The following LRRC4C variants were observed in gnomAD, a reference collection of about 807,000 sequenced individuals.
The protein encoded by LRRC4C is leucine-rich repeat-containing protein 4C.
Under a neutral mutation model 33.6 loss-of-function variants are expected in LRRC4C, and 5 were observed. That is an observed-to-expected ratio of 0.15 (90% confidence interval 0.08 to 0.31). LRRC4C has a LOEUF of 0.31. LRRC4C is among the 10% of genes least tolerant of loss of function. The pLI is 1.00. For missense variants in LRRC4C, 560 were observed against 796.7 expected, an observed-to-expected ratio of 0.70 and a Z score of 3.58; for synonymous variants, 329 against 302.0, an observed-to-expected ratio of 1.09 and a Z score of -0.93.
intron 1 of LRRC4C, among the ~76,000 whole-genome samples, chr11:41,399,563 AT>A (rs1953949531): frequency 6.6e-6 from 1 of 152,008 alleles, no homozygotes; most frequent in South Asian, 2.1e-4. Flanking sequence ...AGCCTGCAGA[AT>A]TCCTCAGCAT....
rs761772952 is a variant in LRRC4C, at chr11:40,990,231, TTATATATATATATATATATATATA to T, written c.-495-56532_-495-56509del. On this transcript the variant is annotated intron_variant, in intron 1 of 6. Coordinates refer to ENST00000528697, the MANE Select transcript of LRRC4C (RefSeq NM_001258419.2). Reference sequence around the variant, plus strand: ...AAATATTTGAATAGTATGTCAAGTTTTATATATATATATATATATATATATATATATATATATATATATGAATAT... The same window carrying T: ...AAATATTTGAATAGTATGTCAAGTTTTATATATATATATATATATGAATAT... Among the ~76,000 whole-genome samples the T allele has an allele frequency of 1.7e-4, 13 of 78,226 alleles. 2 individuals are homozygous for T. Among genetic ancestry groups the T allele is most frequent in the East Asian group, 5.8e-4 (1 of 1,736 alleles). 51.3% of individuals were successfully genotyped at this position (78,226 alleles called of 152,430 possible).
chr11:40,693,639 C>T (rs905890207), intron 2 of LRRC4C, among the ~76,000 whole-genome samples: 1 of 152,000 alleles, frequency 6.6e-6, no homozygotes, highest in Non-Finnish European at 1.5e-5. Context: ...GCCAGATAAA[C>T]AAGACTCTCT....
chr11:40,220,702 A>T (rs1864340833), intron 5 of LRRC4C, among the ~76,000 whole-genome samples: 1 of 152,174 alleles, frequency 6.6e-6, no homozygotes, highest in South Asian at 2.1e-4. Flanking sequence ...GAGTTTTTAA[A>T]ATAATATTTT....
At chr11:40,974,284 T>G (rs1019823151) in intron 1 of LRRC4C, among the ~76,000 whole-genome samples, 23 of 152,312 alleles carry the variant, frequency 1.5e-4, no homozygotes, top group Non-Finnish European at 2.6e-4. Flanking sequence ...TGATTTTTAA[T>G]CTCTACCAGA....
intron 1 of LRRC4C, among the ~76,000 whole-genome samples, chr11:40,995,966 A>C (rs2137310519): frequency 6.6e-6 from 1 of 152,312 alleles, no homozygotes; most frequent in African/African-American, 2.4e-5. Flanking sequence ...TATGAGTATT[A>C]GATATTTTTT....
chr11:40,805,087 T>C (rs922825315), intron 2 of LRRC4C, among the ~76,000 whole-genome samples: 1 of 152,206 alleles, frequency 6.6e-6, no homozygotes, highest in Non-Finnish European at 1.5e-5. Context: ...GGTTACTTCA[T>C]GTCCAACAAT....
At chr11:41,120,905 C>CTG (rs1322490442) in intron 1 of LRRC4C, among the ~76,000 whole-genome samples, 1 of 152,110 alleles carries the variant, frequency 6.6e-6, no homozygotes, top group African/African-American at 2.4e-5. Context: ...TTTGCTCTCT[C>CTG]TTTATCCTAC....
chr11:41,442,764 C>T (rs548159191), intron 1 of LRRC4C, among the ~76,000 whole-genome samples: 4 of 151,954 alleles, frequency 2.6e-5, no homozygotes, highest in Admixed American at 6.6e-5. Flanking sequence ...CCACCGCGCC[C>T]GGCCTGTTGC....
intron 3 of LRRC4C, among the ~76,000 whole-genome samples, chr11:40,353,701 G>A (rs1947523504): frequency 2.0e-5 from 3 of 152,106 alleles, no homozygotes; most frequent in Non-Finnish European, 2.9e-5. Context: ...GCGATACAGC[G>A]AGACTCTGTC....
chr11:40,554,954 C>T lies in LRRC4C; in HGVS notation c.-270+93188G>A, dbSNP rs534270377. 2.1e-5 allele frequency among the ~76,000 whole-genome samples: 3 copies of T among 143,346 alleles called. No individual in the cohort carries two copies. The East Asian group carries it at 5.9e-4, about 28-fold the overall frequency. The allele number at this position is 143,346 out of a possible 152,430, so 94.0% of individuals were successfully genotyped here. ...GCCAGGATGGTCTCGATCTCCTGAC[C>T]TCGTGATCCGCCCGCCTCGGCCTCC... On this transcript the variant is annotated intron_variant, in intron 3 of 6. Transcript: ENST00000528697.
At chr11:40,991,561 AAT>A (rs1331650416) in intron 1 of LRRC4C, among the ~76,000 whole-genome samples, 1 of 152,220 alleles carries the variant, frequency 6.6e-6, no homozygotes, top group Non-Finnish European at 1.5e-5. Context: ...ATTACATTGT[AAT>A]ATATAATGAA....
At chr11:40,676,300 A>G (rs1183522314) in intron 2 of LRRC4C, among the ~76,000 whole-genome samples, 1 of 152,186 alleles carries the variant, frequency 6.6e-6, no homozygotes, top group Non-Finnish European at 1.5e-5. Context: ...CTTCTGAATC[A>G]ATACTTGTCC....
At chr11:40,991,780 T>C (rs1048841859) in intron 1 of LRRC4C, among the ~76,000 whole-genome samples, 1 of 152,140 alleles carries the variant, frequency 6.6e-6, no homozygotes, top group Non-Finnish European at 1.5e-5. Context: ...CTAATGCCCC[T>C]GCTGGTCCGA....
chr11:41,228,984 T>C (rs1251805924), intron 1 of LRRC4C, among the ~76,000 whole-genome samples: 2 of 152,150 alleles, frequency 1.3e-5, no homozygotes, highest in African/African-American at 4.8e-5. Context: ...ATGTGTCCTC[T>C]GGACAATTCT....
At chr11:41,279,415 CACACACACACA>C (rs1949590394) in intron 1 of LRRC4C, among the ~76,000 whole-genome samples, 4 of 148,494 alleles carry the variant, frequency 2.7e-5, no homozygotes, top group South Asian at 2.1e-4. Context: ...CACACACACA[CACACACACACA>C]CACCGTGGCA....
chr11:41,170,692 T>G (rs982362619), intron 1 of LRRC4C, among the ~76,000 whole-genome samples: 2 of 152,166 alleles, frequency 1.3e-5, no homozygotes, highest in African/African-American at 4.8e-5. Flanking sequence ...GACATAGGCA[T>G]GGGCAAGGAC....
chr11:40,896,748 T>C (rs2136152480), intron 2 of LRRC4C, among the ~76,000 whole-genome samples: 1 of 152,130 alleles, frequency 6.6e-6, no homozygotes, highest in East Asian at 1.9e-4. Flanking sequence ...AAAAATATAT[T>C]ATTGTTAAAT....
chr11:40,795,584 G>A (rs972736106), intron 2 of LRRC4C, among the ~76,000 whole-genome samples: 6 of 151,896 alleles, frequency 4.0e-5, no homozygotes, highest in Non-Finnish European at 7.4e-5. Flanking sequence ...AAATAGAAAC[G>A]GTAATTATGC....
chr11:40,777,689 T>A (rs958419666), intron 2 of LRRC4C, among the ~76,000 whole-genome samples: 6 of 151,470 alleles, frequency 4.0e-5, no homozygotes, highest in African/African-American at 1.5e-4. Flanking sequence ...ATTTTTTATT[T>A]TTTTTATTTT....
Sources: allele counts gnomAD v4.1 joint callset (sites outside exome capture counted in the v4.1 genomes callset), GRCh38; gene constraint gnomAD v4.1.1; transcripts MANE v1.5; gene names NCBI Gene and HGNC (gene_info 2026-07-23, HGNC 2026-07-21).